UBAC1: variants seen among roughly 807,000 people sequenced by gnomAD.
The protein encoded by UBAC1 is ubiquitin-associated domain-containing protein 1.
Under a neutral mutation model 45.9 loss-of-function variants are expected in UBAC1, and 27 were observed. The ratio of observed to expected loss-of-function variants is 0.59; its 90% CI spans 0.43 to 0.81. The LOEUF (loss-of-function observed/expected upper bound fraction) is 0.81. Among genes scored for constraint, UBAC1 ranks in the 30% least tolerant of loss-of-function variants. UBAC1 has a pLI of 0.00. For synonymous variants in UBAC1, 227 were observed against 215.5 expected (o/e 1.05, Z -0.47); for missense variants, 529 against 539.2 (o/e 0.98, Z 0.19).
At position 135,934,104 on chromosome 9, in the gene UBAC1, G is replaced by A. The variant is rs566240838; in HGVS notation, c.1103-589C>T. On this transcript the variant is annotated intron_variant, in intron 9 of 9. Coordinates refer to ENST00000371756, the MANE Select transcript of UBAC1 (RefSeq NM_016172.3). ...TTCCACCCACTGTGAAGGAGCACGCGTTCTGCCAGCCCCTCTGCCAGGATC... is the reference window on the plus strand; with the variant it reads ...TTCCACCCACTGTGAAGGAGCACGCATTCTGCCAGCCCCTCTGCCAGGATC... 2.3e-4 allele frequency among the ~76,000 whole-genome samples: 35 copies of A among 152,314 alleles called. No homozygotes were observed. In the South Asian group the frequency reaches 6.2e-3, roughly 27 times the overall value.
chr9:135,945,200 G>A lies in UBAC1; in HGVS notation c.704C>T (p.Pro235Leu), dbSNP rs761622527. 19 of 1,610,854 alleles carry A rather than the reference G, an allele frequency of 1.2e-5. No individual in the cohort carries two copies. The highest frequency in any genetic ancestry group is 4.5e-5 in the East Asian group (2 of 44,800). The change falls in exon 7 of 10, where the codon CCG becomes CTG. Residue 235 changes from proline to leucine, a missense_variant. Transcript: ENST00000371756. ...GCCAGGAAGAGGCGTGTCTATGGTC[G>A]GGTCTTCTGCGTGTTCAATTAGCCA... is the stretch of plus-strand genomic sequence containing the variant. ...MEWLIEHAED[P>L]TIDTPLPGQA... is the part of the protein sequence containing the mutation.
At chr9:135,941,368 T>C (rs753211895) in intron 7 of UBAC1, among the ~76,000 whole-genome samples, 3 of 152,122 alleles carry the variant, frequency 2.0e-5, no homozygotes, top group Non-Finnish European at 2.9e-5. Context: ...ATCGCACCAC[T>C]GTACTCCAGC....
intron 3 of UBAC1, among the ~76,000 whole-genome samples, chr9:135,949,528 C>T (rs572835055): frequency 3.9e-5 from 6 of 152,178 alleles, no homozygotes; most frequent in Non-Finnish European, 5.9e-5. Context: ...GAAGGGGAGG[C>T]GGCTGGTGCA....
intron 4 of UBAC1, 77 bp downstream of exon 4, chr9:135,947,720 GC>G (rs1839354053): frequency 1.7e-6 from 2 of 1,181,902 alleles, no homozygotes; most frequent in South Asian, 2.9e-5. Context: ...TTGCTGCCCC[GC>G]CCCGCAGGAA....
chr9:135,949,166 A>G (rs1034269724), intron 3 of UBAC1, among the ~76,000 whole-genome samples: 4 of 152,292 alleles, frequency 2.6e-5, no homozygotes, highest in African/African-American at 9.6e-5. Context: ...GGAACACACC[A>G]GAACACTAGA....
At chr9:135,956,681 G>T (rs547752754) in intron 1 of UBAC1, among the ~76,000 whole-genome samples, 2 of 152,180 alleles carry the variant, frequency 1.3e-5, no homozygotes, top group Non-Finnish European at 2.9e-5. Context: ...CCGGAATCGT[G>T]GGGTGAGAGG....
At chr9:135,939,557 C>A in intron 8 of UBAC1, 116 bp downstream of exon 8, 1 of 991,324 alleles carries the variant, frequency 1.0e-6, no homozygotes, top group South Asian at 1.6e-5. Flanking sequence ...AGCCCACACT[C>A]ACCACAGCCC....
In UBAC1 at chr9:135,939,688, G is replaced by A. The variant is rs778651680; in HGVS notation, c.948C>T (p.Asn316=). The change falls in exon 8 of 10, where the codon AAC becomes AAT. Residue 316 remains asparagine (N), a synonymous_variant. Coordinates refer to ENST00000371756, the MANE Select transcript of UBAC1 (RefSeq NM_016172.3). ...EVIDALRVNN[N]QQNAACEWLL... is the part of the protein sequence containing the mutation. ...CAACACTCACCGCGGCATTCTGCTG[G>A]TTGTTGTTCACTCTGAGGGCATCTA... 110 of 1,613,616 alleles carry A rather than the reference G, an allele frequency of 6.8e-5. No homozygotes were observed. Among genetic ancestry groups the A allele is most frequent in the Non-Finnish European group, 8.9e-5 (105 of 1,179,764 alleles).
chr9:135,941,350 G>A (rs1402072613), intron 7 of UBAC1, among the ~76,000 whole-genome samples: 1 of 152,128 alleles, frequency 6.6e-6, no homozygotes, highest in Admixed American at 6.5e-5. Context: ...AGGTTGCAGT[G>A]AGCCAAGATC....
rs138622094 is a variant in UBAC1, at chr9:135,951,060, A to G, written c.333+2620T>C. Among the ~76,000 whole-genome samples, 63 of 152,116 alleles carry G rather than the reference A, an allele frequency of 4.1e-4. 1 individual carries two copies. The highest frequency in any genetic ancestry group is 3.4e-3 in the Middle Eastern group (1 of 292). ...CTGCAGTGAGGTGAGATCGTACCAC[A>G]CACTCCAGCCTGGTGTGCACTGCCT... On this transcript the variant is annotated intron_variant, in intron 3 of 9. Coordinates refer to ENST00000371756, the MANE Select transcript of UBAC1 (RefSeq NM_016172.3).
chr9:135,944,690 G>T (rs891617601), intron 7 of UBAC1, among the ~76,000 whole-genome samples: 3 of 152,242 alleles, frequency 2.0e-5, no homozygotes, highest in South Asian at 4.1e-4. Context: ...TGCCGAACAG[G>T]GGGGGCTTGT....
chr9:135,937,904 C>T (rs1458229694), intron 9 of UBAC1, among the ~76,000 whole-genome samples: 3 of 152,214 alleles, frequency 2.0e-5, no homozygotes, highest in Admixed American at 6.5e-5. Context: ...CTTGTCCTCC[C>T]GTGAGTTCCT....
chr9:135,938,816 G>C (rs953956230), intron 8 of UBAC1, among the ~76,000 whole-genome samples: 2 of 152,212 alleles, frequency 1.3e-5, no homozygotes, highest in South Asian at 2.1e-4. Context: ...GGGATGGTGG[G>C]GGGGGGATGT....
At chr9:135,957,084 T>G (rs1264394848) in intron 1 of UBAC1, among the ~76,000 whole-genome samples, 1 of 152,130 alleles carries the variant, frequency 6.6e-6, no homozygotes, top group Non-Finnish European at 1.5e-5. Flanking sequence ...GGAAAGAAAA[T>G]CTAAGCACAC....
rs1839334605 is a variant in UBAC1 at position 135,946,303 on chromosome 9, G to A, written c.510C>T (p.Asn170=). The change falls in exon 5 of 10, where the codon AAC becomes AAT. Residue 170 remains asparagine (N), a synonymous_variant. Coordinates refer to ENST00000371756, the MANE Select transcript of UBAC1 (RefSeq NM_016172.3). ...TCTTAAACAATTCCACTGCATCTGGGTTCAGCGCTAACAGCTTCTGCGCCA... is the reference window on the plus strand; with the variant it reads ...TCTTAAACAATTCCACTGCATCTGGATTCAGCGCTAACAGCTTCTGCGCCA... ...IEVAQKLLAL[N]PDAVELFKKA... 1.2e-6 allele frequency: 2 copies of A among 1,613,900 alleles called. No individual in the cohort carries two copies. Among genetic ancestry groups the A allele is most frequent in the Non-Finnish European group, 1.7e-6 (2 of 1,179,768 alleles).
At chr9:135,941,273 G>A (rs1839266352) in intron 7 of UBAC1, among the ~76,000 whole-genome samples, 1 of 152,096 alleles carries the variant, frequency 6.6e-6, no homozygotes, top group Non-Finnish European at 1.5e-5. Context: ...GGGCGTGGTG[G>A]CGGGCACCTG....
chr9:135,954,483 T>C (rs1006336998), intron 2 of UBAC1, among the ~76,000 whole-genome samples: 1 of 152,160 alleles, frequency 6.6e-6, no homozygotes, highest in Non-Finnish European at 1.5e-5. Flanking sequence ...AAACCAAGCA[T>C]CTACACCAGC....
chr9:135,945,340 G>A, intron 6 of UBAC1, 90 bp from the exon 7 acceptor site: 1 of 1,140,246 alleles, frequency 8.8e-7, no homozygotes. Flanking sequence ...CCTCTGCTAT[G>A]GTAGTGACTT....
At chr9:135,949,634 C>A (rs964220644) in intron 3 of UBAC1, among the ~76,000 whole-genome samples, 4 of 152,216 alleles carry the variant, frequency 2.6e-5, no homozygotes, top group Admixed American at 1.3e-4. Context: ...GACAGTTTCC[C>A]CTCCTGGCAC....
Sources: gnomAD v4.1 joint callset for allele counts (sites outside exome capture counted in the v4.1 genomes callset) on GRCh38, gnomAD v4.1.1 for gene constraint, MANE v1.5 for transcripts, NCBI Gene and HGNC (gene_info 2026-07-23, HGNC 2026-07-21) for gene names.